The following KCNT2 variants were observed in gnomAD, a reference collection of about 807,000 sequenced individuals.
KCNT2 encodes the protein potassium channel subfamily T member 2.
KCNT2 carries 67 observed loss-of-function variants against 153.8 expected under a neutral mutation model. The ratio of observed to expected loss-of-function variants is 0.44; its 90% CI spans 0.36 to 0.53. KCNT2 has a LOEUF of 0.53. Ranked by LOEUF, KCNT2 falls within the 20% of genes least tolerant of loss-of-function variation. KCNT2 has a pLI of 0.00. For missense variants in KCNT2, 975 were observed against 1,354.8 expected (o/e 0.72, Z 4.40); for synonymous variants, 500 against 458.8 (o/e 1.09, Z -1.15).
chr1:196,303,332 G>A (rs1661357033), intron 22 of KCNT2, among the ~76,000 whole-genome samples: 1 of 152,044 alleles, frequency 6.6e-6, no homozygotes, highest in South Asian at 2.1e-4. Flanking sequence ...CTTGCCTGCT[G>A]CAAAAATATT....
At chr1:196,332,933 C>T (rs1326973908) in intron 17 of KCNT2, among the ~76,000 whole-genome samples, 2 of 151,612 alleles carry the variant, frequency 1.3e-5, no homozygotes, top group East Asian at 1.9e-4. Context: ...TGCAGGCGCG[C>T]ACCACCACTC....
chr1:196,524,008 CTA>C lies in KCNT2; in HGVS notation c.96-31669_96-31668del, dbSNP rs199825171. Among the ~76,000 whole-genome samples, 64 of 152,226 alleles carry C rather than the reference CTA, an allele frequency of 4.2e-4. 1 individual carries two copies. The East Asian group carries it at 0.012, about 28-fold the overall frequency. On this transcript the variant is annotated intron_variant, in intron 1 of 27. Coordinates refer to ENST00000294725, the MANE Select transcript of KCNT2 (RefSeq NM_198503.5). ...ACACAGATCAGATAGCACAAAGACTCTATGATTATCAAGTTGCTCAAGATGAA... is the reference window on the plus strand; with the variant it reads ...ACACAGATCAGATAGCACAAAGACTCTGATTATCAAGTTGCTCAAGATGAA...
At chr1:196,309,501 G>A (rs930427087) in intron 21 of KCNT2, among the ~76,000 whole-genome samples, 17 of 151,790 alleles carry the variant, frequency 1.1e-4, no homozygotes, top group African/African-American at 4.1e-4. Flanking sequence ...TTTACGTGAT[G>A]TGCCTCCCAT....
Position 196,263,493 on chromosome 1 carries a change from G to T in KCNT2, c.2911-4999C>A, listed in dbSNP as rs555427045. ...ACACACTGCGCCCTGTCATAGGGTG[G>T]GGGGCTAGGGGAGGGATAGCATTAG... On this transcript the variant is annotated intron_variant, in intron 25 of 27. Coordinates refer to ENST00000294725, the MANE Select transcript of KCNT2 (RefSeq NM_198503.5). Among the ~76,000 whole-genome samples, 104 of 152,090 alleles carry T rather than the reference G, an allele frequency of 6.8e-4. 1 individual carries two copies. The highest frequency in any genetic ancestry group is 4.2e-3 in the South Asian group (20 of 4,808).
At chr1:196,586,612 A>C (rs1572902339) in intron 1 of KCNT2, among the ~76,000 whole-genome samples, 1 of 152,186 alleles carries the variant, frequency 6.6e-6, no homozygotes, top group Non-Finnish European at 1.5e-5. Flanking sequence ...CCCAATATCA[A>C]ACCACATTTT....
chr1:196,297,013 G>A (rs1222927534), intron 22 of KCNT2, among the ~76,000 whole-genome samples: 1 of 151,958 alleles, frequency 6.6e-6, no homozygotes, highest in Non-Finnish European at 1.5e-5. Context: ...ACACCCAAAA[G>A]TAACCTTTGT....
At chr1:196,241,278 A>G (rs1482036186) in intron 26 of KCNT2, among the ~76,000 whole-genome samples, 2 of 152,080 alleles carry the variant, frequency 1.3e-5, no homozygotes, top group African/African-American at 4.8e-5. Context: ...TACTTCTTCT[A>G]CATAGTTGGT....
intron 8 of KCNT2, among the ~76,000 whole-genome samples, chr1:196,460,352 T>C (rs2148648501): frequency 6.6e-6 from 1 of 151,956 alleles, no homozygotes; most frequent in East Asian, 1.9e-4. Flanking sequence ...ATAAGAGTTT[T>C]AAAATAGTGT....
intron 14 of KCNT2, among the ~76,000 whole-genome samples, chr1:196,352,913 A>T (rs1285965737): frequency 1.3e-5 from 2 of 151,712 alleles, no homozygotes; most frequent in African/African-American, 4.8e-5. Flanking sequence ...GTGTCTTCTC[A>T]TTGGTTTCAA....
chr1:196,520,057 A>T (rs757003215), intron 1 of KCNT2, among the ~76,000 whole-genome samples: 17 of 152,328 alleles, frequency 1.1e-4, no homozygotes, highest in South Asian at 4.1e-4. Context: ...AAAATTGTCA[A>T]CAAAATACTG....
At chr1:196,484,373 GT>G (rs1266422580) in intron 3 of KCNT2, among the ~76,000 whole-genome samples, 2 of 151,472 alleles carry the variant, frequency 1.3e-5, no homozygotes, top group African/African-American at 4.8e-5. Context: ...TGATGGGGTT[GT>G]TTTTTTCATG....
At chr1:196,248,358 A>G (rs1558063961) in intron 26 of KCNT2, among the ~76,000 whole-genome samples, 3 of 152,098 alleles carry the variant, frequency 2.0e-5, no homozygotes, top group Non-Finnish European at 4.4e-5. Flanking sequence ...ACAAAAGAAA[A>G]AGTTGTTTTT....
chr1:196,290,579 TACAC>T (rs994450679), intron 22 of KCNT2, among the ~76,000 whole-genome samples: 2 of 150,686 alleles, frequency 1.3e-5, no homozygotes, highest in African/African-American at 4.9e-5. Context: ...TATATATATA[TACAC>T]ACACACACAC....
chr1:196,327,844 T>C (rs960888768), intron 18 of KCNT2, among the ~76,000 whole-genome samples: 1 of 151,944 alleles, frequency 6.6e-6, no homozygotes, highest in African/African-American at 2.4e-5. Flanking sequence ...TGTTTTTGTA[T>C]TTTTGTAGAT....
intron 21 of KCNT2, 32 bp downstream of exon 21, chr1:196,315,860 A>G: frequency 6.3e-7 from 1 of 1,579,166 alleles, no homozygotes; most frequent in Non-Finnish European, 8.6e-7. Context: ...AGCACAAAGT[A>G]AGTGGCAAGG....
intron 25 of KCNT2, among the ~76,000 whole-genome samples, chr1:196,277,170 A>G (rs560916857): frequency 6.6e-6 from 1 of 152,242 alleles, no homozygotes; most frequent in South Asian, 2.1e-4. Flanking sequence ...TAGTTTATCA[A>G]TAACTTCCTG....
intron 1 of KCNT2, among the ~76,000 whole-genome samples, chr1:196,514,842 T>G (rs1000244532): frequency 3.9e-5 from 6 of 152,298 alleles, no homozygotes; most frequent in African/African-American, 1.4e-4. Flanking sequence ...TCTTTTAGAA[T>G]CGCGAAACTA....
chr1:196,591,372 T>A (rs1663344119), intron 1 of KCNT2, among the ~76,000 whole-genome samples: 1 of 152,062 alleles, frequency 6.6e-6, no homozygotes, highest in Non-Finnish European at 1.5e-5. Flanking sequence ...TGAGCCAAAA[T>A]TAATCTCTTT....
At chr1:196,568,460 G>A (rs962160468) in intron 1 of KCNT2, among the ~76,000 whole-genome samples, 17 of 152,070 alleles carry the variant, frequency 1.1e-4, no homozygotes, top group African/African-American at 3.1e-4. Context: ...GCCGGGTGTG[G>A]TGGCCGGCGC....
Sources: gnomAD v4.1 joint callset for allele counts (sites outside exome capture counted in the v4.1 genomes callset) on GRCh38, gnomAD v4.1.1 for gene constraint, MANE v1.5 for transcripts, NCBI Gene and HGNC (gene_info 2026-07-23, HGNC 2026-07-21) for gene names.